Variants in ASTN2 observed in about 807,000 individuals in gnomAD.
ASTN2 encodes the protein astrotactin-2.
Under a neutral mutation model 139.8 loss-of-function variants are expected in ASTN2, and 54 were observed. The ratio of observed to expected loss-of-function variants is 0.39; its 90% CI spans 0.31 to 0.48. The LOEUF (loss-of-function observed/expected upper bound fraction) is 0.48, where lower values mean the gene tolerates loss of function less well. Among genes scored for constraint, ASTN2 ranks in the 20% least tolerant of loss-of-function variants. ASTN2 has a pLI of 0.95. For missense variants in ASTN2, 1,565 were observed against 1,725.1 expected (o/e 0.91, Z 1.64); for synonymous variants, 756 against 719.5 (o/e 1.05, Z -0.81).
At chr9:116,838,101 G>GTTTTTTTTTTTTTTTTT (rs752512675) in intron 11 of ASTN2, among the ~76,000 whole-genome samples, 2 of 134,138 alleles carry the variant, frequency 1.5e-5, no homozygotes, top group African/African-American at 2.9e-5. Flanking sequence ...GCCTGGCTGT[G>GTTTTTTTTTTTTTTTTT]TTTTTTTTTG....
chr9:116,728,966 C>A, intron 15 of ASTN2, 26 bp downstream of exon 15: 1 of 1,556,750 alleles, frequency 6.4e-7, no homozygotes, highest in East Asian at 2.4e-5. Context: ...TCCAAGTCCC[C>A]TGGCTGCCCA....
At chr9:116,651,853 A>T (rs546898821) in intron 16 of ASTN2, 60 bp from the exon 17 acceptor site, 1 of 1,561,286 alleles carries the variant, frequency 6.4e-7, no homozygotes, top group Admixed American at 1.8e-5. Context: ...AAAAGGCCAG[A>T]CTCTTGAATT....
intron 10 of ASTN2, among the ~76,000 whole-genome samples, chr9:116,891,605 C>T (rs917555496): frequency 4.6e-5 from 7 of 152,308 alleles, no homozygotes; most frequent in African/African-American, 1.7e-4. Context: ...AATACAGATG[C>T]AGGCAGGCTC....
chr9:116,697,624 T>C, intron 16 of ASTN2: 1 of 1,292,204 alleles, frequency 7.7e-7, no homozygotes, highest in Admixed American at 2.0e-5. Context: ...ATTTATATAG[T>C]CAGAGGAAAA....
At chr9:116,845,941 A>C (rs1254380661) in intron 11 of ASTN2, among the ~76,000 whole-genome samples, 1 of 152,240 alleles carries the variant, frequency 6.6e-6, no homozygotes, top group Non-Finnish European at 1.5e-5. Context: ...TAGCATTGTC[A>C]TTCATAATAG....
In ASTN2 at chr9:116,699,505, A is replaced by T. The variant is rs746890090; in HGVS notation, c.2806+26266T>A. 1.5e-5 allele frequency: 25 copies of T among 1,613,426 alleles called. No homozygotes were observed. The highest frequency in any genetic ancestry group is 2.1e-5 in the Non-Finnish European group (25 of 1,179,818). On this transcript the variant is annotated intron_variant, in intron 16 of 22. Transcript: ENST00000313400. The surrounding 1 kb of genome is among the most constrained non-coding windows in gnomAD (Gnocchi z 4.2). ...GGCATGTGTGTGGATGCTCGTGGTG[A>T]TCTCATCGTGGCTGACAGTAGTCGC...
At chr9:117,041,580 T>C (rs750289451) in intron 5 of ASTN2, among the ~76,000 whole-genome samples, 53 of 152,244 alleles carry the variant, frequency 3.5e-4, no homozygotes, top group Non-Finnish European at 6.8e-4. Context: ...TGTTTGCTTG[T>C]GGGATAAGGG....
At position 116,999,789 on chromosome 9, in the gene ASTN2, G is replaced by A. The variant is rs181968451; in HGVS notation, c.1591+8303C>T. On this transcript the variant is annotated intron_variant, in intron 7 of 22. Coordinates refer to ENST00000313400, the MANE Select transcript of ASTN2 (RefSeq NM_001365068.1). ...GGGCCAGGCTGGTCTCGAACTCCTG[G>A]CCTCAAGTGATCCACCTGCCTTAGC... is the stretch of plus-strand genomic sequence containing the variant. Among the ~76,000 whole-genome samples, 41 of 151,894 alleles carry A rather than the reference G, an allele frequency of 2.7e-4. 1 individual carries two copies. The East Asian group carries it at 5.8e-3, about 22-fold the overall frequency.
chr9:116,530,704 C>G (rs1242325068), intron 19 of ASTN2, among the ~76,000 whole-genome samples: 1 of 151,798 alleles, frequency 6.6e-6, no homozygotes, highest in Non-Finnish European at 1.5e-5. Flanking sequence ...AAGAAATAGG[C>G]CAGAAGACTC....
intron 19 of ASTN2, among the ~76,000 whole-genome samples, chr9:116,513,691 G>A (rs1850510276): frequency 6.6e-6 from 1 of 151,450 alleles, no homozygotes; most frequent in Non-Finnish European, 1.5e-5. Context: ...TGGAGGCTTT[G>A]TTTGTTTCTT....
At chr9:117,065,012 A>G (rs1402020170) in intron 5 of ASTN2, among the ~76,000 whole-genome samples, 1 of 152,106 alleles carries the variant, frequency 6.6e-6, no homozygotes, top group African/African-American at 2.4e-5. Flanking sequence ...TCTAGATGAG[A>G]TCATACTCTG....
Position 117,060,306 on chromosome 9 carries a change from GTCAAAAA to G in ASTN2, c.1277-20348_1277-20342del, listed in dbSNP as rs1203981363. 7.4e-5 allele frequency among the ~76,000 whole-genome samples: 9 copies of G among 121,324 alleles called. No homozygotes were observed. The East Asian group carries it at 2.3e-3, about 31-fold the overall frequency. The allele number at this position is 121,324 out of a possible 152,430, so 79.6% of individuals were successfully genotyped here. On this transcript the variant is annotated intron_variant, in intron 5 of 22. Transcript: ENST00000313400. ...AACCTGGGCAAAAGAGCAAGACTCT[GTCAAAAA>G]AGAAAAAAGAAAGAAAGAAAGAAAG...
chr9:116,493,547 A>G (rs972489982), intron 19 of ASTN2, among the ~76,000 whole-genome samples: 1 of 152,042 alleles, frequency 6.6e-6, no homozygotes, highest in African/African-American at 2.4e-5. Context: ...CAGCTTCAGA[A>G]TCAACCCAAC....
chr9:117,357,095 G>A (rs1829560267), intron 1 of ASTN2, among the ~76,000 whole-genome samples: 1 of 152,032 alleles, frequency 6.6e-6, no homozygotes, highest in African/African-American at 2.4e-5. Flanking sequence ...TGAATATGAA[G>A]CATGTGCTAC....
At chr9:116,663,971 A>T (rs1437303535) in intron 16 of ASTN2, among the ~76,000 whole-genome samples, 1 of 152,138 alleles carries the variant, frequency 6.6e-6, no homozygotes, top group Non-Finnish European at 1.5e-5. Flanking sequence ...CTACATTGCT[A>T]GAGATTCAAG....
intron 10 of ASTN2, among the ~76,000 whole-genome samples, chr9:116,971,038 G>GTTAT (rs1451489914): frequency 3.0e-5 from 4 of 133,334 alleles, no homozygotes; most frequent in Admixed American, 8.2e-5. Flanking sequence ...CATGCTCCTT[G>GTTAT]CTATACCATG....
At chr9:116,743,631 G>A (rs1020277247) in intron 13 of ASTN2, among the ~76,000 whole-genome samples, 2 of 152,034 alleles carry the variant, frequency 1.3e-5, no homozygotes, top group Non-Finnish European at 2.9e-5. Context: ...CCTGCCTCCC[G>A]AGTAGCTGGG....
At chr9:117,191,438 T>A (rs539497466) in intron 3 of ASTN2, among the ~76,000 whole-genome samples, 5 of 152,178 alleles carry the variant, frequency 3.3e-5, no homozygotes, top group African/African-American at 4.8e-5. Context: ...CAATGGGGCA[T>A]ACAAAAAATT....
At chr9:116,755,855 A>G (rs915049157) in intron 13 of ASTN2, among the ~76,000 whole-genome samples, 1 of 152,244 alleles carries the variant, frequency 6.6e-6, no homozygotes, top group Non-Finnish European at 1.5e-5. Context: ...TGATGTAAAC[A>G]TGGAAGGAGA....
Sources: allele counts gnomAD v4.1 joint callset (sites outside exome capture counted in the v4.1 genomes callset), GRCh38; gene constraint gnomAD v4.1.1; non-coding constraint Gnocchi (gnomAD v3.1); transcripts MANE v1.5; gene names NCBI Gene and HGNC (gene_info 2026-07-23, HGNC 2026-07-21).